NEU4: variants seen among roughly 807,000 people sequenced by gnomAD.
NEU4 encodes neuraminidase 4.
A neutral mutation model predicts 9.9 loss-of-function variants in NEU4; 7 were observed. That is an observed-to-expected ratio of 0.71 (90% CI 0.40 to 1.33). The LOEUF (loss-of-function observed/expected upper bound fraction) is 1.33, where lower values mean the gene tolerates loss of function less well. Among genes scored for constraint, NEU4 ranks in the 40% most tolerant of loss-of-function variants. The pLI, the probability that NEU4 is intolerant of heterozygous loss-of-function variation, is 0.01. For synonymous variants in NEU4, 348 were observed against 316.9 expected, an observed-to-expected ratio of 1.10 and a Z score of -1.04; for missense variants, 717 against 712.6, an observed-to-expected ratio of 1.01 and a Z score of -0.07.
chr2:241,809,235 C>T lies in NEU4; in HGVS notation c.-43C>T, dbSNP rs1364517752. On this transcript the variant is annotated 5_prime_UTR_variant, in exon 1 of 4. Transcript: ENST00000407683. ...GAAGTTACAGGAGGGGCACACCGTC[C>T]TTTTGTCTCTGCCTTTGAGGTTGGC... The T allele has an allele frequency of 3.9e-6, 5 of 1,289,062 alleles. No homozygotes were observed. The highest frequency in any genetic ancestry group is 5.1e-6 in the Non-Finnish European group (5 of 988,600). 79.9% of individuals were successfully genotyped at this position (1,289,062 alleles called of 1,614,324 possible). A position where few individuals can be genotyped will look rare whatever the true frequency, so the allele number is the denominator to read the frequency against.
At position 241,817,176 on chromosome 2, in the gene NEU4, T is replaced by A; in HGVS notation, c.*128T>A. On this transcript the variant is annotated 3_prime_UTR_variant, in exon 4 of 4. Transcript: ENST00000407683. ...ATCCTGTGGATTAGAAACAAGTTGC[T>A]CCTCAGAGCTCTCAAGCAGGGACTG... is the stretch of plus-strand genomic sequence containing the variant. 1.1e-6 allele frequency: 1 copy of A among 908,958 alleles called. No homozygotes were observed. 56.3% of individuals were successfully genotyped at this position (908,958 alleles called of 1,614,324 possible).
At chr2:241,813,744 G>T (rs1700200159) in intron 1 of NEU4, 3 of 360,916 alleles carry the variant, frequency 8.3e-6, no homozygotes, top group African/African-American at 2.2e-5. Flanking sequence ...GCAGGCAGGG[G>T]TCTGATCACC....
At chr2:241,814,871 G>A (rs780688829) in intron 2 of NEU4, 21 bp from the exon 3 acceptor site, 19 of 1,595,650 alleles carry the variant, frequency 1.2e-5, no homozygotes, top group Admixed American at 3.4e-5. Context: ...CCTGGTCAGC[G>A]GAACTTCCTC....
In NEU4 at chr2:241,816,472, T is replaced by C. The variant is rs1700346020; in HGVS notation, c.879T>C (p.Asp293=). Residue 293 remains aspartate (D), a synonymous_variant, in exon 4 of 4, where the codon GAT becomes GAC. Transcript: ENST00000407683. ...CCCCCGCCCCCAACAGGCCACGGGA[T>C]GACAGTTGGTCAGTGGGCCCCGGGA... ...FPAPAPNRPR[D]DSWSVGPGSP... 6.2e-7 allele frequency: 1 copy of C among 1,609,918 alleles called. No homozygotes were observed. Among genetic ancestry groups the C allele is most frequent in the Non-Finnish European group, 8.5e-7 (1 of 1,179,116 alleles).
intron 1 of NEU4, 142 bp from the exon 2 acceptor site, chr2:241,814,340 C>T: frequency 1.3e-6 from 1 of 768,720 alleles, no homozygotes; most frequent in Non-Finnish European, 2.1e-6. Flanking sequence ...CAGGGCTGAC[C>T]CCAAGGTGGG....
Position 241,816,727 on chromosome 2 carries a change from G to A in NEU4, c.1134G>A (p.Leu378=). 1 of 1,561,482 alleles carries A rather than the reference G, an allele frequency of 6.4e-7. No homozygotes were observed. Among genetic ancestry groups the A allele is most frequent in the Non-Finnish European group, 8.7e-7 (1 of 1,154,784 alleles). ...FAAPPQSPTW[L]LYSHPVGRRA... ...CCCCGCCCCAGAGCCCCACGTGGCT[G>A]CTGTACTCCCACCCAGTGGGGCGCA... Residue 378 remains leucine (L), a synonymous_variant, in exon 4 of 4, where the codon CTG becomes CTA. Coordinates refer to ENST00000407683, the MANE Select transcript of NEU4 (RefSeq NM_001167600.3).
chr2:241,816,498 G>A lies in NEU4; in HGVS notation c.905G>A (p.Ser302Asn). ...RDDSWSVGPG[S>N]PLQPPLLGPG... ...GACAGTTGGTCAGTGGGCCCCGGGAGTCCCCTCCAGCCTCCACTCCTCGGT... is the reference window on the plus strand; with the variant it reads ...GACAGTTGGTCAGTGGGCCCCGGGAATCCCCTCCAGCCTCCACTCCTCGGT... The change falls in exon 4 of 4, where the codon AGT (serine) becomes AAT (asparagine). Residue 302 changes from serine (S) to asparagine (N), a missense_variant. Physicochemically the swap from Ser to Asn is conservative, Grantham distance 46. Transcript: ENST00000407683. The A allele has an allele frequency of 6.2e-7, 1 of 1,610,172 alleles. No homozygotes were observed.
At position 241,816,467 on chromosome 2, in the gene NEU4, C is replaced by T. The variant is rs772921073; in HGVS notation, c.874C>T (p.Arg292Trp). ...CCCAGCCCCCGCCCCCAACAGGCCA[C>T]GGGATGACAGTTGGTCAGTGGGCCC... The part of the protein sequence containing the change: ...GFPAPAPNRP[R>W]DDSWSVGPGS... Residue 292 changes from arginine (R) to tryptophan (W), a missense_variant, in exon 4 of 4, where the codon CGG becomes TGG. Arg to Trp is a moderately radical substitution (Grantham distance 101). Transcript: ENST00000407683. 1.3e-5 allele frequency: 21 copies of T among 1,609,410 alleles called. No individual in the cohort carries two copies. The highest frequency in any genetic ancestry group is 8.0e-5 in the African/African-American group (6 of 74,864).
In NEU4 at chr2:241,817,301, C is replaced by T. The variant is rs561694705; in HGVS notation, c.*253C>T. 14 of 477,016 alleles carry T rather than the reference C, an allele frequency of 2.9e-5. No individual in the cohort carries two copies. Among genetic ancestry groups the T allele is most frequent in the East Asian group, 2.6e-4 (8 of 30,576 alleles). 29.5% of individuals were successfully genotyped at this position (477,016 alleles called of 1,614,324 possible). On this transcript the variant is annotated 3_prime_UTR_variant, in exon 4 of 4. Transcript: ENST00000407683. Reference sequence around the variant, plus strand: ...CTGGGTGACCCCCACAGCTCCCTTCCGAGGCTGCAGGGCCAGGCGCGGGAC... The same window carrying T: ...CTGGGTGACCCCCACAGCTCCCTTCTGAGGCTGCAGGGCCAGGCGCGGGAC...
rs192274762 is a variant in NEU4 at position 241,815,837 on chromosome 2, G to T, written c.458-214G>T. ...GCGCTCACCAGCCTCCCTGGGTGCC[G>T]TCCACCTGGGCTCGGCTGCTAAGGG... On this transcript the variant is annotated intron_variant, in intron 3 of 3. Transcript: ENST00000407683. The T allele has an allele frequency of 1.4e-4, 83 of 605,782 alleles. 1 individual carries two copies. The Admixed American group carries it at 2.4e-3, about 18-fold the overall frequency. The allele number at this position is 605,782 out of a possible 1,614,324, so 37.5% of individuals were successfully genotyped here.
rs767481357 is a variant in NEU4 at position 241,816,930 on chromosome 2, C to T, written c.1337C>T (p.Ser446Phe). 6.8e-6 allele frequency: 11 copies of T among 1,612,776 alleles called. No individual in the cohort carries two copies. Among genetic ancestry groups the T allele is most frequent in the Middle Eastern group, 1.6e-4 (1 of 6,082 alleles). ...CTGTACGAGAGCGGGGCCAGGACCT[C>T]CTATGATGAGATTTCCTTTTGTACA... ...ACLYESGART[S>F]YDEISFCTFS... Residue 446 changes from serine (S) to phenylalanine (F), a missense_variant, in exon 4 of 4, where the codon TCC (serine) becomes TTC (phenylalanine). By Grantham distance (155) the Ser-to-Phe change is radical (BLOSUM62 -2). Coordinates refer to ENST00000407683, the MANE Select transcript of NEU4 (RefSeq NM_001167600.3).
chr2:241,813,010 G>A (rs951450228), intron 1 of NEU4, among the ~76,000 whole-genome samples: 1 of 152,242 alleles, frequency 6.6e-6, no homozygotes, highest in East Asian at 1.9e-4. Context: ...GCTTCTTGGG[G>A]ACGGAAGCTG....
chr2:241,813,426 G>A, intron 1 of NEU4: 8 of 1,111,368 alleles, frequency 7.2e-6, no homozygotes, highest in Non-Finnish European at 8.9e-6. Context: ...CCCACTGTCT[G>A]CAGCTGTGCC....
chr2:241,811,030 G>A (rs779624817), intron 1 of NEU4: 71 of 1,063,618 alleles, frequency 6.7e-5, no homozygotes, highest in Non-Finnish European at 7.6e-5. Flanking sequence ...GGGAGGCCCC[G>A]CACCCGGGAA....
rs532229265 is a variant in NEU4 at position 241,811,698 on chromosome 2, A to G, written c.-4+2424A>G. On this transcript the variant is annotated intron_variant, in intron 1 of 3. Transcript: ENST00000407683. Reference sequence around the variant, plus strand: ...TCCCACATGCATCTCCCAATGGGACACTTACCTGGCCCACAGGGTGGGTGT... The same window carrying G: ...TCCCACATGCATCTCCCAATGGGACGCTTACCTGGCCCACAGGGTGGGTGT... 14 of 398,604 alleles carry G rather than the reference A, an allele frequency of 3.5e-5. No homozygotes were observed. In the Admixed American group the frequency reaches 5.3e-4, roughly 15 times the overall value. The allele number at this position is 398,604 out of a possible 1,614,324, so 24.7% of individuals were successfully genotyped here.
intron 1 of NEU4, chr2:241,814,003 C>T: frequency 2.9e-6 from 1 of 344,546 alleles, no homozygotes; most frequent in South Asian, 2.3e-5. Context: ...CTTTGTGTCT[C>T]TGCTGTGGCT....
chr2:241,813,444 T>C, intron 1 of NEU4: 2 of 1,119,952 alleles, frequency 1.8e-6, no homozygotes, highest in Non-Finnish European at 2.2e-6. Flanking sequence ...GCCACCTCCC[T>C]GTGCCGGGCT....
At position 241,809,234 on chromosome 2, in the gene NEU4, C is replaced by T. The variant is rs1700038828; in HGVS notation, c.-44C>T. ...TGAAGTTACAGGAGGGGCACACCGT[C>T]CTTTTGTCTCTGCCTTTGAGGTTGG... On this transcript the variant is annotated 5_prime_UTR_variant, in exon 1 of 4. Transcript: ENST00000407683. 1 of 1,288,958 alleles carries T rather than the reference C, an allele frequency of 7.8e-7. No homozygotes were observed. The highest frequency in any genetic ancestry group is 1.5e-5 in the African/African-American group (1 of 65,850). 79.8% of individuals were successfully genotyped at this position (1,288,958 alleles called of 1,614,324 possible).
chr2:241,809,731 C>T (rs562654417), intron 1 of NEU4: 1 of 160,104 alleles, frequency 6.2e-6, no homozygotes, highest in East Asian at 1.9e-4. Context: ...GAGGGCAGAT[C>T]TGACTTTTCA....
Sources: allele counts gnomAD v4.1 joint callset (sites outside exome capture counted in the v4.1 genomes callset), GRCh38; gene constraint gnomAD v4.1.1; transcripts MANE v1.5; gene names NCBI Gene and HGNC (gene_info 2026-07-23, HGNC 2026-07-21).